Variants in OPRPN observed in about 807,000 individuals in gnomAD.
OPRPN encodes the protein opiorphin prepropeptide, also known as basic proline-rich lacrimal protein.
In OPRPN, 1 loss-of-function variant was observed where a neutral mutation model predicts 2.2. That is an observed-to-expected ratio of 0.45 (90% CI 0.16 to 2.15). The LOEUF (loss-of-function observed/expected upper bound fraction) is 2.15. OPRPN is among the 30% of genes most tolerant of loss of function. The probability of loss-of-function intolerance (pLI) is 0.28; values close to 1 mark genes in which losing one functional copy is unlikely to be tolerated. For missense variants in OPRPN, 306 were observed against 297.3 expected (o/e 1.03, Z -0.21); for synonymous variants, 126 against 111.5 (o/e 1.13, Z -0.82).
chr4:70,410,142 G>C lies in OPRPN; in HGVS notation c.*67G>C. 8.0e-7 allele frequency: 1 copy of C among 1,245,536 alleles called. No individual in the cohort carries two copies. The highest frequency in any genetic ancestry group is 1.5e-5 in the African/African-American group (1 of 65,032). 77.2% of individuals were successfully genotyped at this position (1,245,536 alleles called of 1,614,324 possible). A position where few individuals can be genotyped will look rare whatever the true frequency, so the allele number is the denominator to read the frequency against. On this transcript the variant is annotated 3_prime_UTR_variant, in exon 3 of 3. Coordinates refer to ENST00000399575, the MANE Select transcript of OPRPN (RefSeq NM_021225.5). ...AGAAGAAATAAACTGCAATGATTTT[G>C]ATGGAACCAACCCTGATCTAACCAG... is the stretch of plus-strand genomic sequence containing the variant.
intron 2 of OPRPN, among the ~76,000 whole-genome samples, chr4:70,404,109 C>A (rs1315815606): frequency 6.6e-6 from 1 of 152,196 alleles, no homozygotes; most frequent in African/African-American, 2.4e-5. Flanking sequence ...TCCAAGCAGA[C>A]TTTGCCCACA....
In OPRPN at chr4:70,407,185, T is replaced by G. The variant is rs112626279; in HGVS notation, c.52-2195T>G. Among the ~76,000 whole-genome samples, 1,374 of 152,290 alleles carry G rather than the reference T, an allele frequency of 9.0e-3. 26 individuals carry two copies. The highest frequency in any genetic ancestry group is 0.032 in the African/African-American group (1,311 of 41,568). On this transcript the variant is annotated intron_variant, in intron 2 of 2. Transcript: ENST00000399575. ...TCACATTTTAGTTCCTACTTCTAAGTAGGATATCTCAATATTTCCTATTTC... is the reference window on the plus strand; with the variant it reads ...TCACATTTTAGTTCCTACTTCTAAGGAGGATATCTCAATATTTCCTATTTC...
At chr4:70,399,378 T>C (rs895410374) in intron 2 of OPRPN, 42 bp downstream of exon 2, 1 of 1,494,566 alleles carries the variant, frequency 6.7e-7, no homozygotes, top group Non-Finnish European at 9.2e-7. Context: ...ATATTTATTG[T>C]TAATCATGAT....
At chr4:70,406,020 G>C (rs1332447894) in intron 2 of OPRPN, among the ~76,000 whole-genome samples, 1 of 151,950 alleles carries the variant, frequency 6.6e-6, no homozygotes, top group Non-Finnish European at 1.5e-5. Flanking sequence ...GTGAGCTGAG[G>C]TCACACCACT....
intron 2 of OPRPN, among the ~76,000 whole-genome samples, chr4:70,400,542 G>C (rs1732955221): frequency 6.6e-6 from 1 of 151,664 alleles, no homozygotes; most frequent in Admixed American, 6.6e-5. Flanking sequence ...CCTTATCCCA[G>C]ACCTGAGAAA....
chr4:70,402,286 G>A (rs564089596), intron 2 of OPRPN, among the ~76,000 whole-genome samples: 2 of 152,068 alleles, frequency 1.3e-5, no homozygotes, highest in South Asian at 4.2e-4. Context: ...CTGATCTGTT[G>A]GTCAGCAAAT....
At chr4:70,405,999 C>T (rs373407644) in intron 2 of OPRPN, among the ~76,000 whole-genome samples, 4 of 151,818 alleles carry the variant, frequency 2.6e-5, no homozygotes, top group East Asian at 3.9e-4. Flanking sequence ...GCCTGGGGGA[C>T]AGAGGTTGAA....
chr4:70,400,224 A>G (rs1732946360), intron 2 of OPRPN, among the ~76,000 whole-genome samples: 1 of 151,892 alleles, frequency 6.6e-6, no homozygotes, highest in Non-Finnish European at 1.5e-5. Context: ...CCAAAGTCGA[A>G]TTCCAAATTG....
At chr4:70,399,067 TA>T (rs765086492) in intron 1 of OPRPN, among the ~76,000 whole-genome samples, 54 of 148,970 alleles carry the variant, frequency 3.6e-4, no homozygotes, top group African/African-American at 7.6e-4. Flanking sequence ...GTACCACCAT[TA>T]AAAAAAAAAT....
At chr4:70,407,061 GCT>G (rs1421495743) in intron 2 of OPRPN, among the ~76,000 whole-genome samples, 1 of 152,104 alleles carries the variant, frequency 6.6e-6, no homozygotes, top group Non-Finnish European at 1.5e-5. Context: ...CCTGAGATGT[GCT>G]CTCTTTACTC....
rs754676774 is a variant in OPRPN, at chr4:70,409,417, T to C, written c.89T>C (p.Leu30Pro). ...CAAAGATTCTCCAGAAGACCATATC[T>C]ACCTGGCCAGCTGCCACCACCTCCA... Reference protein sequence around the residue: ...ESQRFSRRPYLPGQLPPPPLY... With the variant: ...ESQRFSRRPYPPGQLPPPPLY... Residue 30 changes from leucine (L) to proline (P), a missense_variant, in exon 3 of 3, where the codon CTA becomes CCA. Transcript: ENST00000399575. The C allele has an allele frequency of 9.3e-6, 15 of 1,613,522 alleles. 1 individual carries two copies. The South Asian group carries it at 1.5e-4, about 17-fold the overall frequency.
rs1237844978 is a variant in OPRPN, at chr4:70,409,936, ATAC to A, written c.613_615del (p.Thr205del). On this transcript the variant is annotated inframe_deletion, in exon 3 of 3. Transcript: ENST00000399575. ...GCAACCCCCGCAGCATCTACTGAAA[ATAC>A]TACTCAAATTCTCGCCAACCGTCCT... The A allele has an allele frequency of 6.2e-7, 1 of 1,614,056 alleles. No individual in the cohort carries two copies. The highest frequency in any genetic ancestry group is 8.5e-7 in the Non-Finnish European group (1 of 1,179,968).
chr4:70,398,340 TA>T, intron 1 of OPRPN, among the ~76,000 whole-genome samples: 1 of 152,070 alleles, frequency 6.6e-6, no homozygotes, highest in East Asian at 1.9e-4. Flanking sequence ...AGAAGAGTCT[TA>T]AAAAGGTATA....
At position 70,409,916 on chromosome 4, in the gene OPRPN, CCCCGCAGCATCTA is replaced by C; in HGVS notation, c.590_602del (p.Pro197LeufsTer31). The C allele has an allele frequency of 6.2e-7, 1 of 1,614,014 alleles. No individual in the cohort carries two copies. Among genetic ancestry groups the C allele is most frequent in the Admixed American group, 1.7e-5 (1 of 60,008 alleles). ...CTGCCACCTCCATATCAGCAGCAAC[CCCCGCAGCATCTA>C]CTGAAAATACTACTCAAATTCTCGC... On this transcript the variant is annotated frameshift_variant, in exon 3 of 3. Coordinates refer to ENST00000399575, the MANE Select transcript of OPRPN (RefSeq NM_021225.5). LOFTEE classifies it low-confidence loss of function (END_TRUNC).
At chr4:70,404,090 T>G (rs1733038463) in intron 2 of OPRPN, among the ~76,000 whole-genome samples, 1 of 152,176 alleles carries the variant, frequency 6.6e-6, no homozygotes, top group African/African-American at 2.4e-5. Flanking sequence ...TGTTCTGTCT[T>G]AAGCCTACTC....
chr4:70,408,006 C>T (rs1252721364), intron 2 of OPRPN, among the ~76,000 whole-genome samples: 1 of 152,190 alleles, frequency 6.6e-6, no homozygotes, highest in South Asian at 2.1e-4. Context: ...GAGAAGATAG[C>T]CTTTTGGGGA....
chr4:70,401,919 T>C (rs1486019115), intron 2 of OPRPN, among the ~76,000 whole-genome samples: 1 of 152,088 alleles, frequency 6.6e-6, no homozygotes, highest in African/African-American at 2.4e-5. Flanking sequence ...AGCTGTCAGT[T>C]GGTTAAGCTG....
chr4:70,401,629 CACA>C (rs1258665591), intron 2 of OPRPN, among the ~76,000 whole-genome samples: 1 of 152,044 alleles, frequency 6.6e-6, no homozygotes, highest in East Asian at 1.9e-4. Context: ...AGGGGAATGA[CACA>C]ACAAGTGAAT....
intron 1 of OPRPN, among the ~76,000 whole-genome samples, chr4:70,398,924 A>G (rs959579020): frequency 2.0e-5 from 3 of 151,962 alleles, no homozygotes; most frequent in African/African-American, 2.4e-5. Context: ...TTAAGTAAAC[A>G]TACTAAAAGT....
Sources: allele counts gnomAD v4.1 joint callset (sites outside exome capture counted in the v4.1 genomes callset), GRCh38; gene constraint gnomAD v4.1.1; transcripts MANE v1.5; gene names NCBI Gene and HGNC (gene_info 2026-07-23, HGNC 2026-07-21).